The following FHOD3 variants were observed in gnomAD, a reference collection of about 807,000 sequenced individuals.
FHOD3 encodes formin homology 2 domain containing 3, also known as FH1/FH2 domain-containing protein 3.
Under a neutral mutation model 173.0 loss-of-function variants are expected in FHOD3, and 90 were observed. The ratio of observed to expected loss-of-function variants is 0.52; its 90% CI spans 0.44 to 0.62. FHOD3 has a LOEUF of 0.62. FHOD3 is among the 20% of genes least tolerant of loss of function. FHOD3 has a pLI of 0.00. For missense variants in FHOD3, 1,945 were observed against 2,034.7 expected (o/e 0.96, Z 0.85); for synonymous variants, 828 against 823.0 (o/e 1.01, Z -0.10).
intron 8 of FHOD3, among the ~76,000 whole-genome samples, chr18:36,611,193 C>A (rs2032634926): frequency 6.6e-6 from 1 of 152,182 alleles, no homozygotes; most frequent in Admixed American, 6.5e-5. Context: ...TGTTACAACT[C>A]CAGTTGTTGG....
chr18:36,603,892 C>T (rs550613240), intron 8 of FHOD3, among the ~76,000 whole-genome samples: 68 of 152,152 alleles, frequency 4.5e-4, no homozygotes, highest in Non-Finnish European at 7.4e-4. Flanking sequence ...CAGGAAGACA[C>T]GAGGTGCACG....
rs780856275 is a variant in FHOD3 at position 36,625,732 on chromosome 18, G to A, written c.1179G>A (p.Val393=). The A allele has an allele frequency of 1.2e-6, 2 of 1,608,274 alleles. No homozygotes were observed. The highest frequency in any genetic ancestry group is 1.7e-6 in the Non-Finnish European group (2 of 1,176,488). Residue 393 remains valine (V), a synonymous_variant, in exon 10 of 29, where the codon GTG becomes GTA. Transcript: ENST00000590592. ...CTCCCAGCTTCAAGCCCAACCAAGT[G>A]CGAGATCTGCGTGAAAAGTAAGCAT... is the stretch of plus-strand genomic sequence containing the variant. ...QSAPSFKPNQ[V]RDLREKEEEE... is the part of the protein sequence containing the mutation.
intron 10 of FHOD3, 94 bp downstream of exon 10, chr18:36,625,843 T>C: frequency 9.3e-7 from 1 of 1,077,202 alleles, no homozygotes; most frequent in Non-Finnish European, 1.3e-6. Flanking sequence ...TGCTGGCCAC[T>C]TTGTCCCCCA....
At chr18:36,613,915 C>G (rs1275576718) in intron 9 of FHOD3, among the ~76,000 whole-genome samples, 1 of 152,140 alleles carries the variant, frequency 6.6e-6, no homozygotes, top group Admixed American at 6.5e-5. Context: ...TCAAGCAATC[C>G]ACTTGCCTCA....
chr18:36,321,440 A>G (rs913649267), intron 1 of FHOD3, among the ~76,000 whole-genome samples: 6 of 152,206 alleles, frequency 3.9e-5, no homozygotes, highest in Non-Finnish European at 5.9e-5. Flanking sequence ...CTCAGCTTGC[A>G]TGACTTCTGG....
chr18:36,468,539 G>A (rs1424300414), intron 3 of FHOD3, among the ~76,000 whole-genome samples: 1 of 152,210 alleles, frequency 6.6e-6, no homozygotes, highest in Admixed American at 6.5e-5. Context: ...CCCTGTGGGT[G>A]TGAGCCAGTG....
At chr18:36,730,001 A>G (rs2041273394) in intron 19 of FHOD3, among the ~76,000 whole-genome samples, 1 of 151,982 alleles carries the variant, frequency 6.6e-6, no homozygotes, top group Non-Finnish European at 1.5e-5. Context: ...ATTCATCCTC[A>G]CCAGTGCATG....
intron 1 of FHOD3, among the ~76,000 whole-genome samples, chr18:36,306,284 C>T (rs1022659827): frequency 1.3e-5 from 2 of 152,172 alleles, no homozygotes; most frequent in Non-Finnish European, 2.9e-5. Flanking sequence ...TGAGGTGCCT[C>T]ACTCCCACAG....
intron 3 of FHOD3, among the ~76,000 whole-genome samples, chr18:36,498,446 A>G (rs1205393444): frequency 2.6e-5 from 4 of 152,208 alleles, no homozygotes; most frequent in African/African-American, 9.6e-5. Flanking sequence ...CTGACCAAGT[A>G]AAATAGAAGA....
chr18:36,460,553 G>T (rs2052489645), intron 3 of FHOD3, among the ~76,000 whole-genome samples: 1 of 152,188 alleles, frequency 6.6e-6, no homozygotes, highest in Admixed American at 6.5e-5. Flanking sequence ...GGCCCCACAA[G>T]CTGTGCAACA....
chr18:36,757,101 T>C (rs943808928), intron 25 of FHOD3, among the ~76,000 whole-genome samples: 1 of 152,264 alleles, frequency 6.6e-6, no homozygotes, highest in Non-Finnish European at 1.5e-5. Flanking sequence ...TCTTGAGATT[T>C]TTTACAGATC....
intron 5 of FHOD3, among the ~76,000 whole-genome samples, chr18:36,576,138 C>A (rs976338028): frequency 2.0e-5 from 3 of 152,172 alleles, no homozygotes; most frequent in Non-Finnish European, 2.9e-5. Flanking sequence ...TTTGTCCTGT[C>A]TGGGACTACA....
chr18:36,563,389 G>A (rs143192956), intron 5 of FHOD3, among the ~76,000 whole-genome samples: 4 of 152,306 alleles, frequency 2.6e-5, no homozygotes, highest in African/African-American at 9.6e-5. Context: ...AGGGGCTTTC[G>A]AGTAATGTTA....
intron 3 of FHOD3, among the ~76,000 whole-genome samples, chr18:36,462,791 AT>A (rs1314551091): frequency 1.3e-5 from 2 of 152,116 alleles, no homozygotes; most frequent in Admixed American, 1.3e-4. Flanking sequence ...TTTGCAGCTA[AT>A]TTTTAAATAT....
intron 3 of FHOD3, among the ~76,000 whole-genome samples, chr18:36,392,999 A>C (rs1356107344): frequency 6.6e-6 from 1 of 152,224 alleles, no homozygotes; most frequent in African/African-American, 2.4e-5. Context: ...ACATATATTA[A>C]GTCTGCCCAC....
chr18:36,753,345 A>G (rs1437135156), intron 24 of FHOD3, among the ~76,000 whole-genome samples: 2 of 152,208 alleles, frequency 1.3e-5, no homozygotes, highest in African/African-American at 4.8e-5. Context: ...GTGTAACTAG[A>G]GTCACAAGAG....
At chr18:36,393,844 G>A (rs1309840867) in intron 3 of FHOD3, among the ~76,000 whole-genome samples, 1 of 152,188 alleles carries the variant, frequency 6.6e-6, no homozygotes, top group African/African-American at 2.4e-5. Context: ...AAAACTCTGG[G>A]TTCTGATGGT....
intron 15 of FHOD3, among the ~76,000 whole-genome samples, chr18:36,683,915 A>C (rs906371642): frequency 1.3e-5 from 2 of 152,248 alleles, no homozygotes; most frequent in Non-Finnish European, 2.9e-5. Flanking sequence ...AAAAGTATGC[A>C]GCAGGACAGG....
intron 17 of FHOD3, among the ~76,000 whole-genome samples, chr18:36,703,493 A>T (rs1302458740): frequency 6.6e-6 from 1 of 152,190 alleles, no homozygotes; most frequent in Non-Finnish European, 1.5e-5. Flanking sequence ...TGGGGACATC[A>T]ATCTTCACTT....
Sources: gnomAD v4.1 joint callset for allele counts (sites outside exome capture counted in the v4.1 genomes callset) on GRCh38, gnomAD v4.1.1 for gene constraint, MANE v1.5 for transcripts, NCBI Gene and HGNC (gene_info 2026-07-23, HGNC 2026-07-21) for gene names.